Variants in DAB1 observed in about 807,000 individuals in gnomAD.
DAB1 encodes DAB adaptor protein 1, also known as disabled homolog 1.
In DAB1, 15 loss-of-function variants were observed where a neutral mutation model predicts 64.6. That is an observed-to-expected ratio of 0.23 (90% confidence interval 0.16 to 0.36). DAB1 has a LOEUF of 0.36. Among genes scored for constraint, DAB1 ranks in the 10% least tolerant of loss-of-function variants. The pLI, the probability that DAB1 is intolerant of heterozygous loss-of-function variation, is 1.00. For synonymous variants in DAB1, 235 were observed against 251.9 expected (o/e 0.93, Z 0.64); for missense variants, 596 against 706.7 (o/e 0.84, Z 1.78).
intron 7 of DAB1, among the ~76,000 whole-genome samples, chr1:57,467,710 A>G (rs1307346080): frequency 6.6e-6 from 1 of 152,176 alleles, no homozygotes; most frequent in African/African-American, 2.4e-5. Flanking sequence ...TTTGCAAGTC[A>G]TCATTGGGGT....
intron 3 of DAB1, among the ~76,000 whole-genome samples, chr1:58,430,138 G>A (rs1158127407): frequency 1.3e-5 from 2 of 152,172 alleles, no homozygotes; most frequent in East Asian, 3.9e-4. Flanking sequence ...TTTGCAGGGG[G>A]CACAAAGCCA....
At chr1:57,160,388 G>C (rs1000554528) in intron 2 of DAB1, among the ~76,000 whole-genome samples, 3 of 152,178 alleles carry the variant, frequency 2.0e-5, no homozygotes, top group African/African-American at 7.2e-5. Context: ...CACAGAGCTA[G>C]CAAAGGCAGG....
intron 7 of DAB1, among the ~76,000 whole-genome samples, chr1:57,614,238 A>C (rs929930421): frequency 2.0e-5 from 3 of 152,244 alleles, no homozygotes; most frequent in Non-Finnish European, 4.4e-5. Flanking sequence ...TAAGCTTTCA[A>C]TGTTCACAGC....
chr1:57,834,181 T>C (rs1652708480), intron 1 of DAB1, among the ~76,000 whole-genome samples: 1 of 152,202 alleles, frequency 6.6e-6, no homozygotes, highest in African/African-American at 2.4e-5. Flanking sequence ...CAGATTGCAG[T>C]AAATTCACAG....
intron 4 of DAB1, among the ~76,000 whole-genome samples, chr1:58,237,547 G>GA (rs558247232): frequency 2.7e-5 from 4 of 150,742 alleles, no homozygotes; most frequent in Non-Finnish European, 4.4e-5. Flanking sequence ...TTTTTTAAGT[G>GA]AAAAAAAATT....
chr1:57,694,474 T>C (rs146926438), intron 6 of DAB1, among the ~76,000 whole-genome samples: 18 of 152,060 alleles, frequency 1.2e-4, no homozygotes, highest in African/African-American at 3.9e-4. Context: ...AGAGAAACAA[T>C]TGACAACTTG....
chr1:57,293,478 T>A (rs185688249), intron 1 of DAB1, among the ~76,000 whole-genome samples: 13 of 152,280 alleles, frequency 8.5e-5, no homozygotes, highest in Admixed American at 8.5e-4. Flanking sequence ...TTAAGTATGA[T>A]CACACACGTA....
chr1:57,943,979 G>A (rs1049403507), intron 5 of DAB1, among the ~76,000 whole-genome samples: 9 of 152,086 alleles, frequency 5.9e-5, no homozygotes. Context: ...GGACCCCATT[G>A]CCCACAACTC....
chr1:57,338,474 T>C (rs1053938024), intron 1 of DAB1, among the ~76,000 whole-genome samples: 2 of 152,216 alleles, frequency 1.3e-5, no homozygotes, highest in African/African-American at 4.8e-5. Context: ...TAGGCATTTG[T>C]CCTTCTTTTG....
intron 5 of DAB1, chr1:58,048,728 C>G: frequency 6.1e-6 from 8 of 1,311,204 alleles, no homozygotes; most frequent in Non-Finnish European, 2.2e-6. Flanking sequence ...CTGGATGAAA[C>G]ACTAGCCATC....
At chr1:58,198,975 C>T (rs1049213337) in intron 4 of DAB1, among the ~76,000 whole-genome samples, 27 of 152,192 alleles carry the variant, frequency 1.8e-4, no homozygotes, top group Admixed American at 6.5e-4. Context: ...GGCACGGTGG[C>T]GCATGCCTGT....
intron 2 of DAB1, among the ~76,000 whole-genome samples, chr1:57,228,469 T>C (rs944076225): frequency 6.6e-6 from 1 of 151,922 alleles, no homozygotes; most frequent in Non-Finnish European, 1.5e-5. Context: ...AACATGAAAA[T>C]AACCTAACCT....
intron 4 of DAB1, among the ~76,000 whole-genome samples, chr1:58,231,595 C>T (rs887709142): frequency 5.3e-5 from 8 of 152,160 alleles, no homozygotes; most frequent in Admixed American, 4.6e-4. Context: ...AGGTACAGAG[C>T]TGTGGGCTAG....
chr1:57,495,539 C>G (rs1644220318), intron 7 of DAB1, among the ~76,000 whole-genome samples: 1 of 152,184 alleles, frequency 6.6e-6, no homozygotes, highest in Non-Finnish European at 1.5e-5. Flanking sequence ...GTATGAGCAG[C>G]TCTGACCAAG....
intron 4 of DAB1, among the ~76,000 whole-genome samples, chr1:58,284,230 TTC>T: frequency 6.6e-6 from 1 of 152,344 alleles, no homozygotes; most frequent in South Asian, 2.1e-4. Flanking sequence ...TTTGTTTTGT[TTC>T]TCTTTCTTAG....
chr1:57,952,060 A>C (rs11207136), intron 5 of DAB1, among the ~76,000 whole-genome samples: 58,445 of 151,928 alleles, frequency 0.38, 12,767 homozygotes, highest in Admixed American at 0.5. Flanking sequence ...TGCACCTCCT[A>C]CTACATCCCT....
At chr1:57,017,206 C>G (rs1646463345) in intron 11 of DAB1, among the ~76,000 whole-genome samples, 1 of 152,106 alleles carries the variant, frequency 6.6e-6, no homozygotes. Flanking sequence ...TGCAGTTGAG[C>G]CTGAGAGACA....
intron 6 of DAB1, among the ~76,000 whole-genome samples, chr1:57,725,895 G>GC (rs929622737): frequency 1.1e-4 from 16 of 152,074 alleles, no homozygotes; most frequent in African/African-American, 3.9e-4. Context: ...GGGACTACAG[G>GC]CACATACCTC....
At chr1:57,560,810 C>T (rs188602668) in intron 7 of DAB1, among the ~76,000 whole-genome samples, 1 of 152,292 alleles carries the variant, frequency 6.6e-6, no homozygotes. Context: ...CAGCAGAGGC[C>T]TCTAGGATTT....
Sources: allele counts gnomAD v4.1 joint callset (sites outside exome capture counted in the v4.1 genomes callset), GRCh38; gene constraint gnomAD v4.1.1; transcripts MANE v1.5; gene names NCBI Gene and HGNC (gene_info 2026-07-23, HGNC 2026-07-21).